Variants in TOX observed in about 807,000 individuals in gnomAD.
The protein encoded by TOX is thymocyte selection associated high mobility group box, also known as thymocyte selection-associated high mobility group box protein TOX.
Under a neutral mutation model 53.7 loss-of-function variants are expected in TOX, and 11 were observed. The observed-to-expected ratio is 0.20, with a 90% confidence interval of 0.13 to 0.34. TOX has a LOEUF of 0.34. TOX is among the 10% of genes least tolerant of loss of function. The pLI, the probability that TOX is intolerant of heterozygous loss-of-function variation, is 1.00. For synonymous variants in TOX, 225 were observed against 245.3 expected (o/e 0.92, Z 0.77); for missense variants, 570 against 664.6 (o/e 0.86, Z 1.56).
intron 1 of TOX, among the ~76,000 whole-genome samples, chr8:59,038,208 C>G (rs994443648): frequency 2.6e-5 from 4 of 152,172 alleles, no homozygotes; most frequent in Non-Finnish European, 1.5e-5. Flanking sequence ...TCTGTCATAA[C>G]AGTTAACATA....
chr8:59,094,897 T>C (rs1219322094), intron 1 of TOX, among the ~76,000 whole-genome samples: 2 of 152,206 alleles, frequency 1.3e-5, no homozygotes, highest in Non-Finnish European at 2.9e-5. Context: ...CAAATAGCCT[T>C]TTGGTCTTAC....
chr8:59,035,635 T>A (rs900770720), intron 1 of TOX, among the ~76,000 whole-genome samples: 6 of 152,272 alleles, frequency 3.9e-5, no homozygotes, highest in Non-Finnish European at 8.8e-5. Flanking sequence ...CAATTTTTTT[T>A]ATCAGTTATT....
At chr8:58,996,998 T>C (rs2129417782) in intron 1 of TOX, among the ~76,000 whole-genome samples, 1 of 152,346 alleles carries the variant, frequency 6.6e-6, no homozygotes, top group South Asian at 2.1e-4. Context: ...TAAGTAGTTT[T>C]AGAAATGCAC....
At chr8:58,954,325 C>T (rs965166664) in intron 2 of TOX, among the ~76,000 whole-genome samples, 7 of 152,082 alleles carry the variant, frequency 4.6e-5, no homozygotes, top group Non-Finnish European at 7.4e-5. Flanking sequence ...AGAATTGAAT[C>T]GTTGCAATGG....
intron 4 of TOX, among the ~76,000 whole-genome samples, chr8:58,838,697 G>GTTTTTTTTTTTTTTTTTTTTTTT (rs1810590539): frequency 1.3e-5 from 1 of 76,684 alleles, no homozygotes; most frequent in Non-Finnish European, 2.2e-5. Context: ...AGTTATCCTT[G>GTTTTTTTTTTTTTTTTTTTTTTT]TCTTTTTTTT....
chr8:58,892,310 G>C (rs1028852139), intron 3 of TOX, among the ~76,000 whole-genome samples: 2 of 152,290 alleles, frequency 1.3e-5, no homozygotes, highest in Admixed American at 1.3e-4. Flanking sequence ...GAAAGAAAGA[G>C]AGAGAGAGAG....
chr8:59,089,269 G>A (rs943258695), intron 1 of TOX, among the ~76,000 whole-genome samples: 1 of 152,186 alleles, frequency 6.6e-6, no homozygotes, highest in Non-Finnish European at 1.5e-5. Context: ...TCAGCACATA[G>A]TGTGGGAAAT....
chr8:58,949,641 T>A (rs1428394448), intron 2 of TOX, among the ~76,000 whole-genome samples: 3 of 152,144 alleles, frequency 2.0e-5, no homozygotes, highest in African/African-American at 7.2e-5. Flanking sequence ...AACAATTGAT[T>A]GCAATTTATT....
At chr8:59,070,556 C>A (rs1178220033) in intron 1 of TOX, among the ~76,000 whole-genome samples, 1 of 137,364 alleles carries the variant, frequency 7.3e-6, no homozygotes, top group Non-Finnish European at 1.6e-5. Flanking sequence ...CACAGGGAGA[C>A]CTAAGACTGA....
At chr8:59,066,545 C>T (rs373546758) in intron 1 of TOX, among the ~76,000 whole-genome samples, 44 of 152,250 alleles carry the variant, frequency 2.9e-4, no homozygotes, top group African/African-American at 1.0e-3. Context: ...AACCCTTGTT[C>T]TTCTTTAATT....
At chr8:58,819,078 T>C (rs184400974) in intron 6 of TOX, among the ~76,000 whole-genome samples, 10 of 152,368 alleles carry the variant, frequency 6.6e-5, no homozygotes, top group Non-Finnish European at 1.3e-4. Context: ...AATAAGTTCA[T>C]TTTCAGTGGC....
At chr8:58,841,355 A>G (rs1339284675) in intron 4 of TOX, among the ~76,000 whole-genome samples, 1 of 152,226 alleles carries the variant, frequency 6.6e-6, no homozygotes, top group African/African-American at 2.4e-5. Context: ...AGCACGTATC[A>G]TGGTCCCTGA....
chr8:58,973,477 C>T (rs1275044977), intron 1 of TOX, among the ~76,000 whole-genome samples: 5 of 152,186 alleles, frequency 3.3e-5, no homozygotes, highest in Admixed American at 1.3e-4. Flanking sequence ...GGAGGCTCCA[C>T]GCATCTGCTA....
At chr8:59,095,613 T>A (rs1029110048) in intron 1 of TOX, among the ~76,000 whole-genome samples, 2 of 152,112 alleles carry the variant, frequency 1.3e-5, no homozygotes, top group Non-Finnish European at 2.9e-5. Context: ...TTGGCCAGGC[T>A]GGTCTTGAAC....
intron 3 of TOX, among the ~76,000 whole-genome samples, chr8:58,913,553 C>T (rs886564940): frequency 6.6e-6 from 1 of 152,184 alleles, no homozygotes; most frequent in South Asian, 2.1e-4. Flanking sequence ...TCTTCATTCT[C>T]TTGGTGCTTC....
intron 1 of TOX, among the ~76,000 whole-genome samples, chr8:59,042,918 C>G (rs373534942): frequency 1.4e-5 from 2 of 144,462 alleles, no homozygotes; most frequent in Admixed American, 7.0e-5. Flanking sequence ...ACATATTAGT[C>G]ACCTCACATA....
intron 1 of TOX, among the ~76,000 whole-genome samples, chr8:59,042,432 T>C (rs1803608332): frequency 6.6e-6 from 1 of 152,228 alleles, no homozygotes; most frequent in African/African-American, 2.4e-5. Flanking sequence ...ATACCACCTT[T>C]GTATATTAAT....
In TOX at chr8:59,117,584, C is replaced by A. The variant is rs1586029978; in HGVS notation, c.102+1302G>T. Among the ~76,000 whole-genome samples the A allele has an allele frequency of 6.6e-6, 1 of 152,230 alleles. No individual in the cohort carries two copies. The highest frequency in any genetic ancestry group is 1.9e-4 in the East Asian group (1 of 5,194). ...CAACACTGTCCAAGACTCGGAGCTG[C>A]GACTCGGTCGCGTGGTGCGGAGTCC... On this transcript the variant is annotated intron_variant, in intron 1 of 8. Coordinates refer to ENST00000361421, the MANE Select transcript of TOX (RefSeq NM_014729.3). This position sits in a 1 kb window ranked among gnomAD's most constrained non-coding sequence, Gnocchi z 4.6.
intron 3 of TOX, among the ~76,000 whole-genome samples, chr8:58,897,122 C>G (rs898573324): frequency 6.6e-6 from 1 of 152,126 alleles, no homozygotes; most frequent in Non-Finnish European, 1.5e-5. Flanking sequence ...GGCATTTACA[C>G]CTTGCATTAT....
Sources: allele counts gnomAD v4.1 joint callset (sites outside exome capture counted in the v4.1 genomes callset), GRCh38; gene constraint gnomAD v4.1.1; non-coding constraint Gnocchi (gnomAD v3.1); transcripts MANE v1.5; gene names NCBI Gene and HGNC (gene_info 2026-07-23, HGNC 2026-07-21).